Variants in RBFOX3 observed in about 807,000 individuals in gnomAD.
RBFOX3 encodes the protein RNA binding protein fox-1 homolog 3.
A neutral mutation model predicts 48.7 loss-of-function variants in RBFOX3; 17 were observed. The ratio of observed to expected loss-of-function variants is 0.35; its 90% CI spans 0.24 to 0.52. The LOEUF is 0.52. Ranked by LOEUF, RBFOX3 falls within the 20% of genes least tolerant of loss-of-function variation. RBFOX3 has a pLI of 0.94. For synonymous variants in RBFOX3, 212 were observed against 209.5 expected, an observed-to-expected ratio of 1.01 and a Z score of -0.10; for missense variants, 382 against 497.5, an observed-to-expected ratio of 0.77 and a Z score of 2.21.
chr17:79,334,688 C>T (rs886329176), intron 2 of RBFOX3, among the ~76,000 whole-genome samples: 1 of 152,212 alleles, frequency 6.6e-6, no homozygotes, highest in African/African-American at 2.4e-5. Flanking sequence ...AGACTGAGCT[C>T]TCCAGGGAAC....
At chr17:79,609,922 C>A (rs2093931741) in intron 1 of RBFOX3, among the ~76,000 whole-genome samples, 1 of 152,050 alleles carries the variant, frequency 6.6e-6, no homozygotes, top group South Asian at 2.1e-4. Context: ...CCCACCACCG[C>A]CCGGGGCCAC....
In RBFOX3 at chr17:79,518,946, G is replaced by A. The variant is rs888811030; in HGVS notation, c.-319-36348C>T. On this transcript the variant is annotated intron_variant, in intron 1 of 14. Transcript: ENST00000693108. Reference sequence around the variant, plus strand: ...ATTTCCTCCAAATGAAGGGAGGGCCGAGGCGGCCACGGCCAGGAACGGCCA... The same window carrying A: ...ATTTCCTCCAAATGAAGGGAGGGCCAAGGCGGCCACGGCCAGGAACGGCCA... Among the ~76,000 whole-genome samples the A allele has an allele frequency of 1.1e-3, 169 of 152,364 alleles. 2 individuals are homozygous for A. In the South Asian group the frequency reaches 0.018, roughly 16 times the overall value.
intron 1 of RBFOX3, among the ~76,000 whole-genome samples, chr17:79,517,444 C>CAAAAAAAAA (rs1231600861): frequency 1.1e-5 from 1 of 94,974 alleles, no homozygotes; most frequent in African/African-American, 4.1e-5. Context: ...GAGTCTGTCT[C>CAAAAAAAAA]AAAAAAAAAA....
intron 2 of RBFOX3, among the ~76,000 whole-genome samples, chr17:79,401,256 T>G (rs191346928): frequency 3.4e-4 from 52 of 152,314 alleles, no homozygotes; most frequent in African/African-American, 1.2e-3. Context: ...AAAGGAGCCC[T>G]GAGCGGCGGG....
the RBFOX3 span, among the ~76,000 whole-genome samples, chr17:79,620,587 A>ACGCACGCACG: frequency 8.2e-5 from 3 of 36,618 alleles, no homozygotes; most frequent in Non-Finnish European, 2.8e-4. Context: ...ACACGCACGC[A>ACGCACGCACG]CACACACGCA....
chr17:79,275,123 C>CCTCTCTCTCCCTCT (rs2068518275), intron 3 of RBFOX3, among the ~76,000 whole-genome samples: 1 of 130,594 alleles, frequency 7.7e-6, no homozygotes, highest in Non-Finnish European at 1.6e-5. Flanking sequence ...TCCATGTCTC[C>CCTCTCTCTCCCTCT]CTCTCTCTCT....
At chr17:79,097,531 C>T in intron 10 of RBFOX3, 107 bp from the exon 11 acceptor site, 1 of 1,421,564 alleles carries the variant, frequency 7.0e-7, no homozygotes. Context: ...CCAACCCCTC[C>T]CCAAGCCCCG....
Position 79,548,644 on chromosome 17 carries a change from G to C in RBFOX3, c.-320+62182C>G, listed in dbSNP as rs1016741247. 4.3e-4 allele frequency among the ~76,000 whole-genome samples: 65 copies of C among 152,202 alleles called. 1 individual carries two copies. The highest frequency in any genetic ancestry group is 4.1e-3 in the Admixed American group (63 of 15,282). Reference sequence around the variant, plus strand: ...CAGTTTCTCCAGCTGTAAATCAGGGGACATTCCAGCCTGTCCAGGCAATGC... The same window carrying C: ...CAGTTTCTCCAGCTGTAAATCAGGGCACATTCCAGCCTGTCCAGGCAATGC... On this transcript the variant is annotated intron_variant, in intron 1 of 14. Coordinates refer to ENST00000693108, the MANE Select transcript of RBFOX3 (RefSeq NM_001350451.2).
intron 14 of RBFOX3, among the ~76,000 whole-genome samples, chr17:79,091,245 G>T (rs1035534741): frequency 6.6e-6 from 1 of 152,166 alleles, no homozygotes; most frequent in Non-Finnish European, 1.5e-5. Flanking sequence ...CACGGCAAGG[G>T]CCTGGTGGGC....
chr17:79,467,995 G>T (rs797032860), intron 2 of RBFOX3, among the ~76,000 whole-genome samples: 2,681 of 152,176 alleles, frequency 0.018, 84 homozygotes, highest in African/African-American at 0.062. Context: ...ACCCGAGGCA[G>T]ACGTCATGCC....
intron 1 of RBFOX3, among the ~76,000 whole-genome samples, chr17:79,507,033 G>A (rs1022923256): frequency 6.6e-6 from 1 of 152,234 alleles, no homozygotes; most frequent in Non-Finnish European, 1.5e-5. Context: ...GCTGGAGCCC[G>A]TTGGTGGAAT....
intron 1 of RBFOX3, among the ~76,000 whole-genome samples, chr17:79,568,465 T>TA (rs1300916640): frequency 7.2e-4 from 108 of 149,502 alleles, no homozygotes; most frequent in African/African-American, 1.2e-3. Context: ...TATTCCAAAA[T>TA]AAAAAAAAAA....
the RBFOX3 span, among the ~76,000 whole-genome samples, chr17:79,616,469 G>A: frequency 1.8e-3 from 270 of 151,654 alleles, 1 homozygote; most frequent in African/African-American, 6.3e-3. Flanking sequence ...CCGGGAGGTG[G>A]AGATTGCAGT....
the RBFOX3 span, among the ~76,000 whole-genome samples, chr17:79,620,999 C>CTT: frequency 9.6e-4 from 130 of 135,882 alleles, no homozygotes; most frequent in African/African-American, 3.3e-3. Context: ...AATCCAACTT[C>CTT]TTTTTTTTTT....
At chr17:79,470,150 C>A (rs2149367411) in intron 2 of RBFOX3, among the ~76,000 whole-genome samples, 1 of 152,252 alleles carries the variant, frequency 6.6e-6, no homozygotes, top group South Asian at 2.1e-4. Context: ...GATCCAGACC[C>A]AAAAGGGCCC....
intron 2 of RBFOX3, among the ~76,000 whole-genome samples, chr17:79,433,477 C>T (rs1252915115): frequency 1.3e-5 from 2 of 152,234 alleles, no homozygotes; most frequent in Non-Finnish European, 2.9e-5. Flanking sequence ...GGCTGGCTGG[C>T]TTTTACCAAC....
At position 79,249,129 on chromosome 17, in the gene RBFOX3, C is replaced by A. The variant is rs572083980; in HGVS notation, c.-73-13324G>T. 1.1e-4 allele frequency among the ~76,000 whole-genome samples: 17 copies of A among 152,306 alleles called. No homozygotes were observed. The highest frequency in any genetic ancestry group is 4.1e-4 in the African/African-American group (17 of 41,574). ...GACAAAGGACTCCTGAGGCCACTAA[C>A]CCTTCCAAGCCCTGCAAAACCATCT... On this transcript the variant is annotated intron_variant, in intron 3 of 14. Coordinates refer to ENST00000693108, the MANE Select transcript of RBFOX3 (RefSeq NM_001350451.2). This position sits in a 1 kb window ranked among gnomAD's most constrained non-coding sequence, Gnocchi z 4.1.
At chr17:79,446,627 T>C (rs782775034) in intron 2 of RBFOX3, among the ~76,000 whole-genome samples, 2 of 152,214 alleles carry the variant, frequency 1.3e-5, no homozygotes, top group Non-Finnish European at 2.9e-5. Context: ...CAATGACCCA[T>C]GACCCACAAC....
intron 4 of RBFOX3, among the ~76,000 whole-genome samples, chr17:79,225,216 C>T (rs1388877116): frequency 6.6e-6 from 1 of 151,992 alleles, no homozygotes; most frequent in Non-Finnish European, 1.5e-5. Context: ...GGCTGTCTCC[C>T]AATCTCAAGC....
Sources: gnomAD v4.1 joint callset for allele counts (sites outside exome capture counted in the v4.1 genomes callset) on GRCh38, gnomAD v4.1.1 for gene constraint, Gnocchi (gnomAD v3.1) non-coding constraint, MANE v1.5 for transcripts, NCBI Gene and HGNC (gene_info 2026-07-23, HGNC 2026-07-21) for gene names.